The following ATP2A1 variants were observed in gnomAD, a reference collection of about 807,000 sequenced individuals.
ATP2A1 encodes ATPase sarcoplasmic/endoplasmic reticulum Ca2+ transporting 1.
ATP2A1 carries 83 observed loss-of-function variants against 109.5 expected under a neutral mutation model. The ratio of observed to expected loss-of-function variants is 0.76; its 90% confidence interval spans 0.63 to 0.91. The LOEUF is 0.91. ATP2A1 is among the 40% of genes least tolerant of loss of function. ATP2A1 has a pLI of 0.00. For synonymous variants in ATP2A1, 505 were observed against 537.6 expected (o/e 0.94, Z 0.84); for missense variants, 1,101 against 1,341.0 (o/e 0.82, Z 2.80).
At chr16:28,882,332 C>T (rs1963510560) in intron 4 of ATP2A1, 119 bp from the exon 5 acceptor site, 1 of 1,481,814 alleles carries the variant, frequency 6.7e-7, no homozygotes. Flanking sequence ...TGACAGTTTC[C>T]TCAACATACA....
rs1046775345 is a variant in ATP2A1, at chr16:28,887,642, T to A, written c.848T>A (p.Val283Asp). The change falls in exon 8 of 23, where the codon GTC (valine) becomes GAC (aspartate). Residue 283 changes from valine (V) to aspartate (D), a missense_variant. Transcript: ENST00000395503. ...LINIGHFNDP[V>D]HGGSWFRGAI... ...AACATTGGCCACTTCAACGACCCCGTCCATGGGGGCTCCTGGTTCCGCGGG... is the reference window on the plus strand; with the variant it reads ...AACATTGGCCACTTCAACGACCCCGACCATGGGGGCTCCTGGTTCCGCGGG... 6.2e-7 allele frequency: 1 copy of A among 1,614,034 alleles called. No individual in the cohort carries two copies. The highest frequency in any genetic ancestry group is 1.3e-5 in the African/African-American group (1 of 74,926).
At chr16:28,882,386 G>A in intron 4 of ATP2A1, 65 bp from the exon 5 acceptor site, 1 of 1,605,502 alleles carries the variant, frequency 6.2e-7, no homozygotes, top group Non-Finnish European at 8.5e-7. Context: ...CCCCGTGCCA[G>A]GAGCCACAAC....
rs904741405 is a variant in ATP2A1 at position 28,880,730 on chromosome 16, C to T, written c.220-185C>T. On this transcript the variant is annotated intron_variant, in intron 3 of 22. Coordinates refer to ENST00000395503, the MANE Select transcript of ATP2A1 (RefSeq NM_004320.6). The surrounding 1 kb of genome is among the most constrained non-coding windows in gnomAD (Gnocchi z 4.2). ...CCCATCCCGCTGAGTAAGGCGGTGG[C>T]AGGACCTGCAGTGGATGGACAGACC... 6.6e-6 allele frequency among the ~76,000 whole-genome samples: 1 copy of T among 152,242 alleles called. No individual in the cohort carries two copies. The highest frequency in any genetic ancestry group is 2.4e-5 in the African/African-American group (1 of 41,460).
chr16:28,898,956 C>T lies in ATP2A1; in HGVS notation c.1764+505C>T, dbSNP rs1425854619. 6.6e-6 allele frequency among the ~76,000 whole-genome samples: 1 copy of T among 151,896 alleles called. No individual in the cohort carries two copies. Among genetic ancestry groups the T allele is most frequent in the African/African-American group, 2.4e-5 (1 of 41,336 alleles). On this transcript the variant is annotated intron_variant, in intron 14 of 22. Transcript: ENST00000395503. This position sits in a 1 kb window ranked among gnomAD's most constrained non-coding sequence, Gnocchi z 4.0. Reference sequence around the variant, plus strand: ...CATGATCCCACCACTGCACTCCAGCCTGCATGACAAGCAAGGCCCTGTCTC... The same window carrying T: ...CATGATCCCACCACTGCACTCCAGCTTGCATGACAAGCAAGGCCCTGTCTC...
intron 6 of ATP2A1, among the ~76,000 whole-genome samples, chr16:28,886,947 T>C (rs1963628926): frequency 2.6e-5 from 4 of 151,102 alleles, no homozygotes; most frequent in Admixed American, 2.0e-4. Flanking sequence ...AGCTGAGATC[T>C]TGACACTGCA....
intron 22 of ATP2A1, 37 bp from the exon 23 acceptor site, chr16:28,904,143 C>T: frequency 6.3e-7 from 1 of 1,579,752 alleles, no homozygotes. Flanking sequence ...CGCTGCCCTC[C>T]TGCCGCCTGC....
chr16:28,902,726 AGGGT>A lies in ATP2A1; in HGVS notation c.2611-49_2611-46del. 6.2e-7 allele frequency: 1 copy of A among 1,613,892 alleles called. No homozygotes were observed. Among genetic ancestry groups the A allele is most frequent in the African/African-American group, 1.3e-5 (1 of 75,000 alleles). Reference sequence around the variant, plus strand: ...TGTGGGGATGCAGGAGGGTACCAGGAGGGTGGCATGGAGGTGGCCCTGGACCTCA... The same window carrying A: ...TGTGGGGATGCAGGAGGGTACCAGGAGGCATGGAGGTGGCCCTGGACCTCA... On this transcript the variant is annotated intron_variant, in intron 18 of 22. Transcript: ENST00000395503. The surrounding 1 kb of genome is among the most constrained non-coding windows in gnomAD (Gnocchi z 4.8).
At chr16:28,879,829 T>G in intron 3 of ATP2A1, 1 of 629,766 alleles carries the variant, frequency 1.6e-6, no homozygotes, top group Non-Finnish European at 2.6e-6. Context: ...TAAGCCACCC[T>G]CGCGGCTTCA....
At chr16:28,901,328 C>CAAAA (rs768320423) in intron 15 of ATP2A1, among the ~76,000 whole-genome samples, 2 of 55,920 alleles carry the variant, frequency 3.6e-5, no homozygotes, top group African/African-American at 1.2e-4. Context: ...GACCCTGTCT[C>CAAAA]AAAAAAAAAA....
chr16:28,890,020 T>G (rs1963726369), intron 9 of ATP2A1, among the ~76,000 whole-genome samples: 1 of 152,098 alleles, frequency 6.6e-6, no homozygotes, highest in Admixed American at 6.5e-5. Flanking sequence ...TGCGTGCCAG[T>G]AATCCCAGCT....
rs1596671866 is a variant in ATP2A1, at chr16:28,888,874, T to C, written c.1016T>C (p.Val339Ala). The stretch of plus-strand genomic sequence containing the variant: ...GCCATTGTAAGAAGCTTGCCCTCCG[T>C]AGAGACCCTGGGCTGCACCTCTGTC... ...KNAIVRSLPS[V>A]ETLGCTSVIC... Residue 339 changes from valine to alanine, a missense_variant, in exon 9 of 23, where the codon GTA becomes GCA. Physicochemically the swap from Val to Ala is moderately conservative, Grantham distance 64. Transcript: ENST00000395503. 6.2e-7 allele frequency: 1 copy of C among 1,613,752 alleles called. No homozygotes were observed. Among genetic ancestry groups the C allele is most frequent in the East Asian group, 2.2e-5 (1 of 44,862 alleles).
In ATP2A1 at chr16:28,888,096, C is replaced by T. The variant is rs557568669; in HGVS notation, c.928+374C>T. On this transcript the variant is annotated intron_variant, in intron 8 of 22. Transcript: ENST00000395503. ...GATTACAGGCGTGAGCCACCGCACCCGGCCTTGCTCAGTGCAACCTCTGCC... is the reference window on the plus strand; with the variant it reads ...GATTACAGGCGTGAGCCACCGCACCTGGCCTTGCTCAGTGCAACCTCTGCC... Among the ~76,000 whole-genome samples the T allele has an allele frequency of 5.2e-4, 78 of 150,474 alleles. 1 individual carries two copies. Among genetic ancestry groups the T allele is most frequent in the Middle Eastern group, 3.4e-3 (1 of 290 alleles).
intron 15 of ATP2A1, 152 bp downstream of exon 15, chr16:28,901,068 T>C: frequency 8.7e-7 from 1 of 1,143,614 alleles, no homozygotes; most frequent in South Asian, 1.3e-5. Context: ...GGAGGATTTG[T>C]GGGCTGGGCC....
Position 28,904,453 on chromosome 16 carries a change from G to A in ATP2A1, c.*311G>A, listed in dbSNP as rs760286654. The A allele has an allele frequency of 3.9e-6, 6 of 1,523,392 alleles. No homozygotes were observed. Among genetic ancestry groups the A allele is most frequent in the South Asian group, 1.2e-5 (1 of 83,100 alleles). The allele number at this position is 1,523,392 out of a possible 1,614,324, so 94.4% of individuals were successfully genotyped here. ...AGCTGCTTATTTATTGAAAATAAAC[G>A]ACGGAAAAGTCTGGCCTTGCCTCTG... On this transcript the variant is annotated 3_prime_UTR_variant, in exon 23 of 23. Transcript: ENST00000395503.
Position 28,878,800 on chromosome 16 carries a change from C to T in ATP2A1, c.118+11C>T, listed in dbSNP as rs1281195381. 1 of 1,613,048 alleles carries T rather than the reference C, an allele frequency of 6.2e-7. No homozygotes were observed. The highest frequency in any genetic ancestry group is 1.1e-5 in the South Asian group (1 of 91,040). ...AATACGGCCTCAATGGTAAGTGTCCCTTGGAAGAGCGGCTGGTAATTAATG... is the reference window on the plus strand; with the variant it reads ...AATACGGCCTCAATGGTAAGTGTCCTTTGGAAGAGCGGCTGGTAATTAATG... On this transcript the variant is annotated intron_variant, in intron 1 of 22. Coordinates refer to ENST00000395503, the MANE Select transcript of ATP2A1 (RefSeq NM_004320.6).
chr16:28,896,692 T>G (rs1963926873), intron 12 of ATP2A1, among the ~76,000 whole-genome samples: 1 of 151,098 alleles, frequency 6.6e-6, no homozygotes. Context: ...ATTACAGGCG[T>G]GAGCCACTGC....
Position 28,878,633 on chromosome 16 carries a change from A to C in ATP2A1, c.-39A>C. The C allele has an allele frequency of 6.5e-7, 1 of 1,544,324 alleles. No individual in the cohort carries two copies. The highest frequency in any genetic ancestry group is 8.8e-7 in the Non-Finnish European group (1 of 1,134,348). The stretch of plus-strand genomic sequence containing the variant: ...CCCCCCACGAGTGGGAACCCCCTGG[A>C]AGGAACACACCGGCCCCGGCCCCCA... On this transcript the variant is annotated 5_prime_UTR_variant, in exon 1 of 23. Transcript: ENST00000395503.
At position 28,904,277 on chromosome 16, in the gene ATP2A1, G is replaced by C. The variant is rs779207272; in HGVS notation, c.*135G>C. On this transcript the variant is annotated 3_prime_UTR_variant, in exon 23 of 23. Transcript: ENST00000395503. ...AGGCAGAGCTGTGGCACAGACCCCCGTCCTGTCCCCCACACCCGTGTCATG... is the reference window on the plus strand; with the variant it reads ...AGGCAGAGCTGTGGCACAGACCCCCCTCCTGTCCCCCACACCCGTGTCATG... The C allele has an allele frequency of 1.2e-6, 2 of 1,612,342 alleles. No individual in the cohort carries two copies. Among genetic ancestry groups the C allele is most frequent in the Non-Finnish European group, 1.7e-6 (2 of 1,179,564 alleles).
rs928173211 is a variant in ATP2A1 at position 28,903,790 on chromosome 16, C to T, written c.*37+49C>T. 7.8e-6 allele frequency: 12 copies of T among 1,536,724 alleles called. No homozygotes were observed. The highest frequency in any genetic ancestry group is 9.9e-6 in the Non-Finnish European group (11 of 1,109,790). On this transcript the variant is annotated intron_variant, in intron 22 of 22. Transcript: ENST00000395503. This position sits in a 1 kb window ranked among gnomAD's most constrained non-coding sequence, Gnocchi z 5.6. ...GCCCAGCTGCTGTGCCCCTGCCACC[C>T]GCGCCCCCTCAGCCCCTTGCGCGTC...
Sources: gnomAD v4.1 joint callset for allele counts (sites outside exome capture counted in the v4.1 genomes callset) on GRCh38, gnomAD v4.1.1 for gene constraint, Gnocchi (gnomAD v3.1) non-coding constraint, MANE v1.5 for transcripts, NCBI Gene and HGNC (gene_info 2026-07-23, HGNC 2026-07-21) for gene names.